ZNF518B: variants seen among roughly 807,000 people sequenced by gnomAD.
ZNF518B encodes the protein zinc finger protein 518B.
A neutral mutation model predicts 56.3 loss-of-function variants in ZNF518B; 23 were observed. The ratio of observed to expected loss-of-function variants is 0.41; its 90% CI spans 0.29 to 0.58. The LOEUF (loss-of-function observed/expected upper bound fraction) is 0.58, where lower values mean the gene tolerates loss of function less well. Ranked by LOEUF, ZNF518B falls within the 20% of genes least tolerant of loss-of-function variation. The pLI is 0.32. For synonymous variants in ZNF518B, 529 were observed against 465.9 expected (o/e 1.14, Z -1.74); for missense variants, 1,460 against 1,272.1 (o/e 1.15, Z -2.25).
chr4:10,457,486 C>T (rs920264575), upstream of ZNF518B: 1 of 152,238 alleles, frequency 6.6e-6, no homozygotes, highest in Non-Finnish European at 1.5e-5. Context: ...AGGCCGGCGC[C>T]TGAGGTCTCT....
intron 1 of ZNF518B, among the ~76,000 whole-genome samples, chr4:10,456,252 G>A (rs1715521296): frequency 6.6e-6 from 1 of 151,826 alleles, no homozygotes; most frequent in Non-Finnish European, 1.5e-5. Context: ...AAAGTCAGAG[G>A]TATTGTAACG....
Position 10,446,269 on chromosome 4 carries a change from C to G in ZNF518B, c.60G>C (p.Leu20Phe). 6.2e-7 allele frequency: 1 copy of G among 1,614,194 alleles called. No homozygotes were observed. Among genetic ancestry groups the G allele is most frequent in the Non-Finnish European group, 8.5e-7 (1 of 1,180,026 alleles). The change falls in exon 3 of 3, where the codon TTG (leucine) becomes TTC (phenylalanine). Residue 20 changes from leucine to phenylalanine, a missense_variant. Leu to Phe is a conservative substitution (Grantham distance 22). Transcript: ENST00000326756. The part of the protein sequence containing the change: ...TTHLNGGHNS[L>F]TMSPKQPDAN... ...CATCAGGCTGTTTGGGTGACATGGT[C>G]AAGGAATTATGTCCGCCGTTCAAGT...
Position 10,441,325 on chromosome 4 carries a change from A to G in ZNF518B, c.*1779T>C, listed in dbSNP as rs574435995. The G allele has an allele frequency of 1.5e-5, 2 of 137,138 alleles. No homozygotes were observed. Among genetic ancestry groups the G allele is most frequent in the African/African-American group, 4.9e-5 (2 of 40,724 alleles). 8.5% of individuals were successfully genotyped at this position (137,138 alleles called of 1,614,324 possible). ...TTTAAATTTCAATAAAAATTTACCAATTAACTTGATGATCATGTATTGAAT... is the reference window on the plus strand; with the variant it reads ...TTTAAATTTCAATAAAAATTTACCAGTTAACTTGATGATCATGTATTGAAT... On this transcript the variant is annotated 3_prime_UTR_variant, in exon 3 of 3. Transcript: ENST00000326756.
rs561875461 is a variant in ZNF518B at position 10,443,604 on chromosome 4, G to T, written c.2725C>A (p.Arg909Ser). 97 of 1,614,026 alleles carry T rather than the reference G, an allele frequency of 6.0e-5. No individual in the cohort carries two copies. Among genetic ancestry groups the T allele is most frequent in the Middle Eastern group, 1.6e-4 (1 of 6,084 alleles). Residue 909 changes from arginine (R) to serine (S), a missense_variant, in exon 3 of 3, where the codon CGC becomes AGC. Physicochemically the swap from Arg to Ser is moderately radical, Grantham distance 110. Coordinates refer to ENST00000326756, the MANE Select transcript of ZNF518B (RefSeq NM_053042.3). ...KKNKIQAEPSRCLKDPSIFQV... is the reference protein window; with the variant it reads ...KKNKIQAEPSSCLKDPSIFQV... The stretch of plus-strand genomic sequence containing the variant: ...AAAATTGAAGGATCCTTGAGACAGC[G>T]GCTAGGTTCAGCTTGAATTTTGTTT...
intron 2 of ZNF518B, among the ~76,000 whole-genome samples, chr4:10,450,452 T>A: frequency 6.6e-6 from 1 of 152,196 alleles, no homozygotes; most frequent in East Asian, 1.9e-4. Flanking sequence ...GCATCTCAGA[T>A]GTAATACTCC....
chr4:10,443,036 A>T lies in ZNF518B; in HGVS notation c.*68T>A. ...CTACAGTCTGTATTTCTTCTACTGA[A>T]TCTTGGTGGAGGGACTCCAAACCAG... is the stretch of plus-strand genomic sequence containing the variant. On this transcript the variant is annotated 3_prime_UTR_variant, in exon 3 of 3. Coordinates refer to ENST00000326756, the MANE Select transcript of ZNF518B (RefSeq NM_053042.3). The T allele has an allele frequency of 7.3e-7, 1 of 1,367,442 alleles. No homozygotes were observed. The highest frequency in any genetic ancestry group is 1.4e-5 in the South Asian group (1 of 72,274). The allele number at this position is 1,367,442 out of a possible 1,614,324, so 84.7% of individuals were successfully genotyped here.
upstream of ZNF518B, among the ~76,000 whole-genome samples, chr4:10,459,835 C>T (rs753310162): frequency 4.1e-4 from 63 of 152,166 alleles, no homozygotes; most frequent in Admixed American, 2.6e-4. Context: ...TTTCAGACTT[C>T]TGAGCCGACA....
rs75487798 is a variant in ZNF518B, at chr4:10,443,583, T to C, written c.2746A>G (p.Ile916Val). 48,144 of 1,614,130 alleles carry C rather than the reference T, an allele frequency of 0.03. 895 individuals are homozygous for C. The highest frequency in any genetic ancestry group is 0.035 in the Non-Finnish European group (41,614 of 1,180,010). ...CTTAGTTGCCTTGCAACCTGAAAAATTGAAGGATCCTTGAGACAGCGGCTA... is the reference window on the plus strand; with the variant it reads ...CTTAGTTGCCTTGCAACCTGAAAAACTGAAGGATCCTTGAGACAGCGGCTA... ...EPSRCLKDPS[I>V]FQVARQLRLI... The change falls in exon 3 of 3, where the codon ATT (isoleucine) becomes GTT (valine). Residue 916 changes from isoleucine (I) to valine (V), a missense_variant. Coordinates refer to ENST00000326756, the MANE Select transcript of ZNF518B (RefSeq NM_053042.3).
chr4:10,460,324 C>CAAAA (rs1715706695), upstream of ZNF518B, among the ~76,000 whole-genome samples: 1 of 17,412 alleles, frequency 5.7e-5, no homozygotes, highest in Non-Finnish European at 9.3e-5. Flanking sequence ...AAAAAAAAAA[C>CAAAA]CAAAAAAAAA....
chr4:10,446,316 C>T lies in ZNF518B; in HGVS notation c.13G>A (p.Gly5Arg). The change falls in exon 3 of 3, where the codon GGA (glycine) becomes AGA (arginine). Residue 5 changes from glycine to arginine, a missense_variant. Physicochemically the swap from Gly to Arg is moderately radical, Grantham distance 125. Coordinates refer to ENST00000326756, the MANE Select transcript of ZNF518B (RefSeq NM_053042.3). MKDIGQQLYTTHLNG... is the reference protein window; with the variant it reads MKDIRQQLYTTHLNG... ...AAGTGTGTAGTGTATAGCTGCTGTC[C>T]AATATCCTTCATCTTATCTGCATTT... The T allele has an allele frequency of 2.5e-6, 4 of 1,608,894 alleles. No individual in the cohort carries two copies. The highest frequency in any genetic ancestry group is 3.4e-6 in the Non-Finnish European group (4 of 1,176,520).
In ZNF518B at chr4:10,443,807, G is replaced by A. The variant is rs1577219926; in HGVS notation, c.2522C>T (p.Thr841Ile). 6.2e-7 allele frequency: 1 copy of A among 1,614,168 alleles called. No homozygotes were observed. The highest frequency in any genetic ancestry group is 8.5e-7 in the Non-Finnish European group (1 of 1,180,036). ...TTTTCTCAGTTTAGGCCGCAGAGGT[G>A]TCTCGATATTTGGGGACATATCTAT... Reference protein sequence around the residue: ...GPIDMSPNIETPLRPKLRKES... With the variant: ...GPIDMSPNIEIPLRPKLRKES... Residue 841 changes from threonine to isoleucine, a missense_variant, in exon 3 of 3, where the codon ACA becomes ATA. Thr to Ile is a moderately conservative substitution (Grantham distance 89, BLOSUM62 -1). Transcript: ENST00000326756.
chr4:10,443,750 T>C lies in ZNF518B; in HGVS notation c.2579A>G (p.Lys860Arg), dbSNP rs141538856. 1.9e-6 allele frequency: 3 copies of C among 1,614,074 alleles called. No homozygotes were observed. The African/African-American group carries it at 4.0e-5, about 22-fold the overall frequency. Reference protein sequence around the residue: ...ESAVCSTIHRKTGLLYGQQGS... With the variant: ...ESAVCSTIHRRTGLLYGQQGS... ...TTGCTGTCCATACAAGAGGCCAGTTTTTCTATGGATGGTGCTACAGACAGC... is the reference window on the plus strand; with the variant it reads ...TTGCTGTCCATACAAGAGGCCAGTTCTTCTATGGATGGTGCTACAGACAGC... Residue 860 changes from lysine to arginine, a missense_variant, in exon 3 of 3, where the codon AAA (lysine) becomes AGA (arginine). By Grantham distance (26) the Lys-to-Arg change is conservative (BLOSUM62 2). Coordinates refer to ENST00000326756, the MANE Select transcript of ZNF518B (RefSeq NM_053042.3).
intron 2 of ZNF518B, among the ~76,000 whole-genome samples, chr4:10,447,084 T>A (rs942328031): frequency 2.0e-5 from 3 of 152,222 alleles, no homozygotes; most frequent in African/African-American, 7.2e-5. Context: ...ATACTGACAA[T>A]GTTAGCAAGC....
Position 10,444,153 on chromosome 4 carries a change from T to C in ZNF518B, c.2176A>G (p.Lys726Glu). 6.2e-7 allele frequency: 1 copy of C among 1,614,242 alleles called. No individual in the cohort carries two copies. Among genetic ancestry groups the C allele is most frequent in the South Asian group, 1.1e-5 (1 of 91,088 alleles). Residue 726 changes from lysine (K) to glutamate (E), a missense_variant, in exon 3 of 3, where the codon AAA becomes GAA. By Grantham distance (56) the Lys-to-Glu change is moderately conservative. Coordinates refer to ENST00000326756, the MANE Select transcript of ZNF518B (RefSeq NM_053042.3). ...GTAATACCACCATCATTCGGAGGTT[T>C]CTGAAGAGTACCTGTGGAATGGCCA... ...GLGHSTGTLQKPPNDGGITGN... is the reference protein window; with the variant it reads ...GLGHSTGTLQEPPNDGGITGN...
At position 10,444,699 on chromosome 4, in the gene ZNF518B, C is replaced by G. The variant is rs756531480; in HGVS notation, c.1630G>C (p.Gly544Arg). Residue 544 changes from glycine (G) to arginine (R), a missense_variant, in exon 3 of 3, where the codon GGC becomes CGC. Physicochemically the swap from Gly to Arg is moderately radical, Grantham distance 125. Transcript: ENST00000326756. The stretch of plus-strand genomic sequence containing the variant: ...TCATTTTCACTTACAGGCAATAAGC[C>G]CTTTTCTCCAGAGAAGGAACAGGTT... ...PATCSFSGEK[G>R]LLPVSENDLE... 1 of 1,614,108 alleles carries G rather than the reference C, an allele frequency of 6.2e-7. No individual in the cohort carries two copies.
Position 10,446,511 on chromosome 4 carries a change from CT to C in ZNF518B, c.-184del, listed in dbSNP as rs1715063214. 5 of 551,688 alleles carry C rather than the reference CT, an allele frequency of 9.1e-6. No homozygotes were observed. Among genetic ancestry groups the C allele is most frequent in the Non-Finnish European group, 6.5e-6 (2 of 308,190 alleles). 34.2% of individuals were successfully genotyped at this position (551,688 alleles called of 1,614,324 possible). On this transcript the variant is annotated 5_prime_UTR_variant, in exon 3 of 3. It removes the in-frame stop codon of an upstream open reading frame in the 5' UTR. Coordinates refer to ENST00000326756, the MANE Select transcript of ZNF518B (RefSeq NM_053042.3). ...GGTGCATGATCCCAAAATATGACTG[CT>C]TTCAGCTCTCTGACATTCCAGGTAA...
At chr4:10,452,989 A>G (rs1159511796) in intron 2 of ZNF518B, 4 of 152,258 alleles carry the variant, frequency 2.6e-5, no homozygotes, top group African/African-American at 9.6e-5. Flanking sequence ...TCCAGGTGAA[A>G]GCAGCTGAGT....
In ZNF518B at chr4:10,444,015, T is replaced by A. The variant is rs746532530; in HGVS notation, c.2314A>T (p.Ile772Phe). ...ACCCTCAACACAGCCCCTTTGGGGA[T>A]TAACACTGGCGTGGCAACATGAGCC... Reference protein sequence around the residue: ...RKAHVATPVLIPKGAVLRVLN... With the variant: ...RKAHVATPVLFPKGAVLRVLN... Residue 772 changes from isoleucine to phenylalanine, a missense_variant, in exon 3 of 3, where the codon ATC (isoleucine) becomes TTC (phenylalanine). Physicochemically the swap from Ile to Phe is conservative, Grantham distance 21. Transcript: ENST00000326756. 1.2e-6 allele frequency: 2 copies of A among 1,614,212 alleles called. No homozygotes were observed. Among genetic ancestry groups the A allele is most frequent in the Non-Finnish European group, 1.7e-6 (2 of 1,180,042 alleles).
chr4:10,440,447 T>G lies in ZNF518B; in HGVS notation c.*2657A>C, dbSNP rs549674523. On this transcript the variant is annotated 3_prime_UTR_variant, in exon 3 of 3. Coordinates refer to ENST00000326756, the MANE Select transcript of ZNF518B (RefSeq NM_053042.3). ...TGTAGTGATTGGAGGTCCTTCAAAA[T>G]TAAGAACCCACACAAATACTCAACA... The G allele has an allele frequency of 2.0e-5, 3 of 152,736 alleles. No individual in the cohort carries two copies. The East Asian group carries it at 5.8e-4, about 29-fold the overall frequency. The allele number at this position is 152,736 out of a possible 1,614,324, so 9.5% of individuals were successfully genotyped here.
Sources: allele counts gnomAD v4.1 joint callset (sites outside exome capture counted in the v4.1 genomes callset), GRCh38; gene constraint gnomAD v4.1.1; transcripts MANE v1.5; gene names NCBI Gene and HGNC (gene_info 2026-07-23, HGNC 2026-07-21).